The following USH2A variants were observed in gnomAD, a reference collection of about 807,000 sequenced individuals.
USH2A encodes usherin.
In USH2A, 443 loss-of-function variants were observed where a neutral mutation model predicts 538.9. The observed-to-expected ratio is 0.82, with a 90% CI of 0.76 to 0.89. The LOEUF (loss-of-function observed/expected upper bound fraction) is 0.89, where lower values mean the gene tolerates loss of function less well. Among genes scored for constraint, USH2A ranks in the 40% least tolerant of loss-of-function variants. The pLI, the probability that USH2A is intolerant of heterozygous loss-of-function variation, is 0.00. For synonymous variants in USH2A, 2,413 were observed against 2,273.5 expected (o/e 1.06, Z -1.75); for missense variants, 6,633 against 6,324.8 (o/e 1.05, Z -1.65).
At chr1:215,809,944 C>T (rs1397503161) in intron 49 of USH2A, among the ~76,000 whole-genome samples, 1 of 152,068 alleles carries the variant, frequency 6.6e-6, no homozygotes, top group Non-Finnish European at 1.5e-5. Flanking sequence ...TCAGTGTAAC[C>T]AGTGTTAAAC....
chr1:215,940,563 G>A (rs531693150), intron 37 of USH2A, among the ~76,000 whole-genome samples: 2 of 152,114 alleles, frequency 1.3e-5, no homozygotes, highest in East Asian at 1.9e-4. Context: ...ATTAATATAT[G>A]GTGAAAGAAA....
intron 64 of USH2A, among the ~76,000 whole-genome samples, chr1:215,669,208 T>C (rs1657731260): frequency 6.6e-6 from 1 of 152,174 alleles, no homozygotes; most frequent in Non-Finnish European, 1.5e-5. Context: ...TATGCTGATT[T>C]CATCCAGCTC....
intron 21 of USH2A, chr1:216,174,870 C>A (rs778758076): frequency 2.9e-6 from 3 of 1,041,870 alleles, no homozygotes; most frequent in Non-Finnish European, 2.3e-6. Flanking sequence ...GTTTCAGTAA[C>A]GGGGTGCATA....
intron 61 of USH2A, among the ~76,000 whole-genome samples, chr1:215,694,828 C>A (rs909201918): frequency 2.6e-5 from 4 of 152,098 alleles, no homozygotes; most frequent in African/African-American, 9.7e-5. Context: ...GAGCAATGAC[C>A]ATATAGGATT....
At chr1:215,981,718 C>T (rs1219424936) in intron 35 of USH2A, among the ~76,000 whole-genome samples, 1 of 152,152 alleles carries the variant, frequency 6.6e-6, no homozygotes, top group East Asian at 1.9e-4. Flanking sequence ...AAGCACCAAA[C>T]CTTATTGTCA....
chr1:215,697,234 C>G (rs1274521416), intron 61 of USH2A, among the ~76,000 whole-genome samples: 2 of 151,942 alleles, frequency 1.3e-5, no homozygotes, highest in African/African-American at 2.4e-5. Flanking sequence ...GTTAGGATTA[C>G]AGGTGTGAGT....
At chr1:216,031,975 C>T (rs963372820) in intron 32 of USH2A, among the ~76,000 whole-genome samples, 13 of 152,170 alleles carry the variant, frequency 8.5e-5, no homozygotes, top group African/African-American at 2.9e-4. Flanking sequence ...GGGTTGAACC[C>T]TTCTCTTTTG....
intron 21 of USH2A, among the ~76,000 whole-genome samples, chr1:216,097,828 C>G (rs914850555): frequency 1.3e-5 from 2 of 152,164 alleles, no homozygotes; most frequent in African/African-American, 4.8e-5. Flanking sequence ...GCTTAGGAAG[C>G]AGGGGCAATA....
Position 215,879,147 on chromosome 1 carries a change from G to A in USH2A, c.8224-49C>T, listed in dbSNP as rs562125867. On this transcript the variant is annotated intron_variant, in intron 41 of 71. Transcript: ENST00000307340. ...ATCAGTGTGACGATACAGGAATAGA[G>A]CAATTGAAGTTCACGAGGCCTAGAA... is the stretch of plus-strand genomic sequence containing the variant. 17 of 1,533,330 alleles carry A rather than the reference G, an allele frequency of 1.1e-5. No individual in the cohort carries two copies. In the East Asian group the frequency reaches 3.2e-4, roughly 28 times the overall value. 95.0% of individuals were successfully genotyped at this position (1,533,330 alleles called of 1,614,324 possible). A position where few individuals can be genotyped will look rare whatever the true frequency, so the allele number is the denominator to read the frequency against.
At chr1:216,231,617 C>A (rs917282711) in intron 14 of USH2A, among the ~76,000 whole-genome samples, 2 of 151,572 alleles carry the variant, frequency 1.3e-5, no homozygotes, top group African/African-American at 4.8e-5. Context: ...GGCGCGATCT[C>A]GGCTCACTGC....
At chr1:216,394,028 G>A (rs1270793399) in intron 3 of USH2A, among the ~76,000 whole-genome samples, 1 of 152,142 alleles carries the variant, frequency 6.6e-6, no homozygotes, top group African/African-American at 2.4e-5. Context: ...ACACATGGGA[G>A]GCAAATAAGC....
intron 21 of USH2A, among the ~76,000 whole-genome samples, chr1:216,115,652 G>T (rs1185409864): frequency 3.3e-5 from 5 of 151,456 alleles, no homozygotes. Flanking sequence ...CCCTTTATAC[G>T]TACTGTATTT....
chr1:215,671,644 A>G (rs985528292), intron 63 of USH2A, among the ~76,000 whole-genome samples: 1 of 152,184 alleles, frequency 6.6e-6, no homozygotes, highest in Admixed American at 6.5e-5. Flanking sequence ...CTAAACAAGG[A>G]TGTATGGAAT....
In USH2A at chr1:215,957,911, G is replaced by C. The variant is rs1057455973; in HGVS notation, c.7120+7406C>G. On this transcript the variant is annotated intron_variant, in intron 37 of 71. Transcript: ENST00000307340. ...TCACTGGAACAATTCCCCCACTGGCGGGTTTTCCCAGAGGGCAGCGTGTCA... is the reference window on the plus strand; with the variant it reads ...TCACTGGAACAATTCCCCCACTGGCCGGTTTTCCCAGAGGGCAGCGTGTCA... 3.3e-5 allele frequency among the ~76,000 whole-genome samples: 5 copies of C among 152,142 alleles called. 1 individual carries two copies. Among genetic ancestry groups the C allele is most frequent in the Non-Finnish European group, 5.9e-5 (4 of 68,002 alleles).
At chr1:215,706,089 C>T (rs145384303) in intron 61 of USH2A, among the ~76,000 whole-genome samples, 2 of 152,258 alleles carry the variant, frequency 1.3e-5, no homozygotes, top group Middle Eastern at 3.4e-3. Flanking sequence ...AAAAGAGAGT[C>T]GAAGCACATT....
intron 43 of USH2A, among the ~76,000 whole-genome samples, chr1:215,877,097 A>C (rs1356462943): frequency 6.6e-6 from 1 of 152,192 alleles, no homozygotes; most frequent in Non-Finnish European, 1.5e-5. Flanking sequence ...AAATCACCTC[A>C]TTTTATGGAC....
chr1:215,896,349 C>T (rs1665340038), intron 40 of USH2A, among the ~76,000 whole-genome samples: 1 of 150,914 alleles, frequency 6.6e-6, no homozygotes, highest in Non-Finnish European at 1.5e-5. Flanking sequence ...AAAATGATTT[C>T]AATTTCATTA....
chr1:215,790,585 G>A (rs972927197), intron 50 of USH2A, among the ~76,000 whole-genome samples: 2 of 152,152 alleles, frequency 1.3e-5, no homozygotes, highest in Middle Eastern at 3.2e-3. Flanking sequence ...AACTGCCTGC[G>A]CATTTTGTGA....
rs537642465 is a variant in USH2A, at chr1:215,696,198, A to G, written c.12067-15822T>C. Among the ~76,000 whole-genome samples the G allele has an allele frequency of 2.6e-5, 4 of 152,342 alleles. No homozygotes were observed. The South Asian group carries it at 8.3e-4, about 32-fold the overall frequency. The stretch of plus-strand genomic sequence containing the variant: ...TTCTTACAATAAAGCAAGCTAGAGA[A>G]AAAGTTATTAAGAAAATCATAAGGA... On this transcript the variant is annotated intron_variant, in intron 61 of 71. Transcript: ENST00000307340.
Sources: gnomAD v4.1 joint callset for allele counts (sites outside exome capture counted in the v4.1 genomes callset) on GRCh38, gnomAD v4.1.1 for gene constraint, MANE v1.5 for transcripts, NCBI Gene and HGNC (gene_info 2026-07-23, HGNC 2026-07-21) for gene names.